BBS9: variants seen among roughly 807,000 people sequenced by gnomAD.
The protein encoded by BBS9 is protein PTHB1.
Under a neutral mutation model 117.7 loss-of-function variants are expected in BBS9, and 89 were observed. The ratio of observed to expected loss-of-function variants is 0.76; its 90% CI spans 0.64 to 0.90. The LOEUF (loss-of-function observed/expected upper bound fraction) is 0.90, where lower values mean the gene tolerates loss of function less well. Among genes scored for constraint, BBS9 ranks in the 40% least tolerant of loss-of-function variants. The probability of loss-of-function intolerance (pLI) is 0.00; values close to 1 mark genes in which losing one functional copy is unlikely to be tolerated. For synonymous variants in BBS9, 379 were observed against 370.9 expected, an observed-to-expected ratio of 1.02 and a Z score of -0.25; for missense variants, 982 against 1,042.2, an observed-to-expected ratio of 0.94 and a Z score of 0.80.
At position 33,505,561 on chromosome 7, in the gene BBS9, C is replaced by T. The variant is rs148536971; in HGVS notation, c.2214C>T (p.Ile738=). ...CCACCCATTTGGTGATTCTGCTGAT[C>T]GCGCTGTGGCAGAAGCTTAGTGCTG... The part of the protein sequence containing the change: ...KSATHLVILL[I]ALWQKLSADQ... Residue 738 remains isoleucine (I), a synonymous_variant, in exon 20 of 23, where the codon ATC becomes ATT. Coordinates refer to ENST00000242067, the MANE Select transcript of BBS9 (RefSeq NM_198428.3). 1.1e-4 allele frequency: 185 copies of T among 1,614,100 alleles called. 1 individual carries two copies. In the African/African-American group the frequency reaches 2.1e-3, roughly 19 times the overall value.
intron 21 of BBS9, among the ~76,000 whole-genome samples, chr7:33,625,163 A>G (rs1183349316): frequency 6.6e-6 from 1 of 152,206 alleles, no homozygotes; most frequent in Non-Finnish European, 1.5e-5. Context: ...GACGAAGCAC[A>G]AAATTATAGT....
intron 19 of BBS9, among the ~76,000 whole-genome samples, chr7:33,401,215 C>A (rs1584667914): frequency 6.6e-6 from 1 of 152,166 alleles, no homozygotes; most frequent in African/African-American, 2.4e-5. Flanking sequence ...GAATGATAAG[C>A]CAGAAGCCAT....
chr7:33,438,736 A>G (rs1339008975), intron 19 of BBS9, among the ~76,000 whole-genome samples: 2 of 152,224 alleles, frequency 1.3e-5, no homozygotes, highest in Admixed American at 1.3e-4. Flanking sequence ...AGAGCAGTTA[A>G]ATGAAAGAAC....
intron 9 of BBS9, among the ~76,000 whole-genome samples, chr7:33,313,579 T>G (rs945569687): frequency 3.3e-5 from 5 of 152,218 alleles, no homozygotes; most frequent in African/African-American, 1.2e-4. Flanking sequence ...CAAACATTTC[T>G]TTACTACAAA....
intron 21 of BBS9, among the ~76,000 whole-genome samples, chr7:33,581,662 G>T (rs1218145404): frequency 2.0e-5 from 3 of 152,098 alleles, no homozygotes; most frequent in Admixed American, 6.6e-5. Context: ...TGTAGTTTGG[G>T]TTCAAAAGCC....
At chr7:33,364,902 T>A (rs1403091744) in intron 16 of BBS9, among the ~76,000 whole-genome samples, 1 of 150,934 alleles carries the variant, frequency 6.6e-6, no homozygotes, top group African/African-American at 2.4e-5. Context: ...CTAATTTTCT[T>A]ATTTTTTGTA....
chr7:33,178,778 G>GT lies in BBS9; in HGVS notation c.442+1199dup, dbSNP rs879471511. Among the ~76,000 whole-genome samples the GT allele has an allele frequency of 2.7e-3, 394 of 145,606 alleles. 1 individual carries two copies. Among genetic ancestry groups the GT allele is most frequent in the Middle Eastern group, 3.5e-3 (1 of 284 alleles). On this transcript the variant is annotated intron_variant, in intron 5 of 22. Coordinates refer to ENST00000242067, the MANE Select transcript of BBS9 (RefSeq NM_198428.3). ...AGTATTATTCATTTGTGTGAACTCAGTTTTTTTTTTTTATTAATACATACA... is the reference window on the plus strand; with the variant it reads ...AGTATTATTCATTTGTGTGAACTCAGTTTTTTTTTTTTTATTAATACATACA...
chr7:33,632,475 G>A (rs1183176499), intron 21 of BBS9, among the ~76,000 whole-genome samples: 1 of 152,184 alleles, frequency 6.6e-6, no homozygotes, highest in Non-Finnish European at 1.5e-5. Context: ...CTCCAGCCGC[G>A]CTCCACCGGC....
At chr7:33,178,552 G>A (rs966689559) in intron 5 of BBS9, among the ~76,000 whole-genome samples, 2 of 152,134 alleles carry the variant, frequency 1.3e-5, no homozygotes, top group Non-Finnish European at 2.9e-5. Flanking sequence ...TTGAGGATAG[G>A]AAGCCAGGTG....
intron 21 of BBS9, among the ~76,000 whole-genome samples, chr7:33,590,467 T>TTTTTTTG (rs1563412771): frequency 2.9e-4 from 23 of 78,934 alleles, no homozygotes; most frequent in African/African-American, 6.2e-4. Flanking sequence ...TTGTTTTTTT[T>TTTTTTTG]TTTTTTTTTT....
intron 19 of BBS9, among the ~76,000 whole-genome samples, chr7:33,444,486 T>C (rs1836693544): frequency 6.6e-6 from 1 of 152,230 alleles, no homozygotes; most frequent in Non-Finnish European, 1.5e-5. Context: ...ATTTGTTGTG[T>C]ACTGCTAAGG....
At chr7:33,183,502 T>A (rs1798375985) in intron 5 of BBS9, among the ~76,000 whole-genome samples, 1 of 152,218 alleles carries the variant, frequency 6.6e-6, no homozygotes. Flanking sequence ...TACCCTACTT[T>A]AACCAGGCCA....
chr7:33,382,498 G>A (rs1825252398), intron 17 of BBS9, among the ~76,000 whole-genome samples: 1 of 152,000 alleles, frequency 6.6e-6, no homozygotes, highest in East Asian at 1.9e-4. Context: ...TCCTTTAAAG[G>A]GAGCAAATGT....
At chr7:33,146,698 CAAAAAA>C (rs36056577) in intron 2 of BBS9, among the ~76,000 whole-genome samples, 1 of 81,314 alleles carries the variant, frequency 1.2e-5, no homozygotes, top group Non-Finnish European at 2.3e-5. Context: ...GGCTCCATCT[CAAAAAA>C]AAAAAAAAAA....
chr7:33,505,725 G>T, intron 20 of BBS9, 80 bp downstream of exon 20: 1 of 1,405,078 alleles, frequency 7.1e-7, no homozygotes, highest in Non-Finnish European at 9.8e-7. Flanking sequence ...ATGGCTATCA[G>T]GTTTTCTAAG....
intron 21 of BBS9, among the ~76,000 whole-genome samples, chr7:33,574,726 C>T (rs1001375891): frequency 7.7e-6 from 1 of 129,514 alleles, no homozygotes; most frequent in Non-Finnish European, 1.6e-5. Flanking sequence ...CACACACACA[C>T]GCGCACACAC....
intron 21 of BBS9, among the ~76,000 whole-genome samples, chr7:33,560,571 G>A (rs1166821459): frequency 2.0e-5 from 3 of 152,150 alleles, no homozygotes; most frequent in Non-Finnish European, 4.4e-5. Flanking sequence ...CAGTGCTGCT[G>A]CTTACTTCCC....
chr7:33,304,756 T>C (rs935268309), intron 9 of BBS9, among the ~76,000 whole-genome samples: 1 of 152,114 alleles, frequency 6.6e-6, no homozygotes, highest in Non-Finnish European at 1.5e-5. Flanking sequence ...TAGAAAGAAG[T>C]AGACATAGGA....
chr7:33,219,506 C>T (rs569676118), intron 5 of BBS9, among the ~76,000 whole-genome samples: 2 of 152,310 alleles, frequency 1.3e-5, no homozygotes, highest in South Asian at 4.1e-4. Flanking sequence ...AATCGGCACT[C>T]TGTATCTAGC....
Sources: gnomAD v4.1 joint callset for allele counts (sites outside exome capture counted in the v4.1 genomes callset) on GRCh38, gnomAD v4.1.1 for gene constraint, MANE v1.5 for transcripts, NCBI Gene and HGNC (gene_info 2026-07-23, HGNC 2026-07-21) for gene names.